The following MELK variants were observed in gnomAD, a reference collection of about 807,000 sequenced individuals.
MELK encodes the protein pEg3 kinase.
In MELK, 81 loss-of-function variants were observed where a neutral mutation model predicts 85.0. That is an observed-to-expected ratio of 0.95 (90% CI 0.80 to 1.15). The LOEUF is 1.15. Among genes scored for constraint, MELK ranks in the 50% most tolerant of loss-of-function variants. The probability of loss-of-function intolerance (pLI) is 0.00; values close to 1 mark genes in which losing one functional copy is unlikely to be tolerated. For missense variants in MELK, 754 were observed against 777.5 expected, an observed-to-expected ratio of 0.97 and a Z score of 0.36; for synonymous variants, 252 against 265.0, an observed-to-expected ratio of 0.95 and a Z score of 0.48.
At chr9:36,622,411 A>G (rs1827534322) in intron 8 of MELK, among the ~76,000 whole-genome samples, 1 of 152,194 alleles carries the variant, frequency 6.6e-6, no homozygotes, top group East Asian at 1.9e-4. Context: ...AAACCCAGCA[A>G]TATTTGACGC....
chr9:36,592,540 T>C (rs1473158049), intron 4 of MELK, among the ~76,000 whole-genome samples: 2 of 152,134 alleles, frequency 1.3e-5, no homozygotes, highest in African/African-American at 4.8e-5. Flanking sequence ...GATACCTACA[T>C]ATATTTTATA....
chr9:36,643,355 C>T (rs1357093314), intron 11 of MELK, among the ~76,000 whole-genome samples: 1 of 152,002 alleles, frequency 6.6e-6, no homozygotes, highest in Non-Finnish European at 1.5e-5. Context: ...TGCACTCCAG[C>T]CTGGGCAACA....
At chr9:36,610,306 T>G (rs1825957606) in intron 8 of MELK, among the ~76,000 whole-genome samples, 1 of 152,228 alleles carries the variant, frequency 6.6e-6, no homozygotes, top group Non-Finnish European at 1.5e-5. Context: ...CAACTTTTAT[T>G]TGACTTATAG....
chr9:36,660,667 T>C (rs1365511644), intron 13 of MELK, among the ~76,000 whole-genome samples: 1 of 151,318 alleles, frequency 6.6e-6, no homozygotes, highest in African/African-American at 2.4e-5. Context: ...AGGCTGTTCA[T>C]ACTGGGCAGG....
At chr9:36,608,277 CAAAAAAAAAAAAAA>C (rs1161984583) in intron 8 of MELK, among the ~76,000 whole-genome samples, 5 of 38,916 alleles carry the variant, frequency 1.3e-4, no homozygotes, top group Non-Finnish European at 1.7e-4. Flanking sequence ...GACTCTGTCT[CAAAAAAAAAAAAAA>C]AAAAAAAAAA....
intron 13 of MELK, among the ~76,000 whole-genome samples, chr9:36,663,247 A>G (rs1832029919): frequency 6.6e-6 from 1 of 151,656 alleles, no homozygotes; most frequent in Admixed American, 6.6e-5. Context: ...TGCCCAGCTA[A>G]TTTTTGTATT....
chr9:36,648,738 T>C (rs1830438467), intron 11 of MELK, among the ~76,000 whole-genome samples: 2 of 152,184 alleles, frequency 1.3e-5, no homozygotes, highest in African/African-American at 4.8e-5. Flanking sequence ...ATATTAGTGG[T>C]TGGGAGTTCA....
At chr9:36,590,433 C>G (rs1224808539) in intron 4 of MELK, among the ~76,000 whole-genome samples, 1 of 152,066 alleles carries the variant, frequency 6.6e-6, no homozygotes, top group Non-Finnish European at 1.5e-5. Context: ...TGCTGGCAGT[C>G]CTTGGCACTC....
intron 10 of MELK, among the ~76,000 whole-genome samples, chr9:36,637,648 C>T (rs1829344165): frequency 1.3e-5 from 2 of 152,158 alleles, no homozygotes; most frequent in South Asian, 4.1e-4. Flanking sequence ...CTCAGATATG[C>T]CACAGCATAG....
intron 2 of MELK, 55 bp from the exon 3 acceptor site, chr9:36,583,572 A>C: frequency 8.7e-7 from 1 of 1,143,148 alleles, no homozygotes; most frequent in Non-Finnish European, 1.2e-6. Context: ...ATATATAAAA[A>C]GGTGTTTGTG....
chr9:36,597,341 C>A, intron 6 of MELK, 51 bp downstream of exon 6: 1 of 1,489,016 alleles, frequency 6.7e-7, no homozygotes, highest in East Asian at 2.3e-5. Context: ...GCATTTATTT[C>A]TTAGTGTGTG....
intron 14 of MELK, among the ~76,000 whole-genome samples, chr9:36,669,022 T>A (rs1258350264): frequency 6.6e-6 from 1 of 152,236 alleles, no homozygotes; most frequent in Non-Finnish European, 1.5e-5. Flanking sequence ...TTATATGATC[T>A]GTTTAGATTT....
chr9:36,632,665 C>T (rs1047454354), intron 9 of MELK, among the ~76,000 whole-genome samples: 2 of 152,150 alleles, frequency 1.3e-5, no homozygotes, highest in Non-Finnish European at 2.9e-5. Context: ...TTGAAAATTA[C>T]AAATGGAAAG....
Position 36,606,519 on chromosome 9 carries a change from T to C in MELK, c.568-1056T>C, listed in dbSNP as rs553908490. 2.2e-5 allele frequency among the ~76,000 whole-genome samples: 3 copies of C among 134,114 alleles called. No homozygotes were observed. In the East Asian group the frequency reaches 6.3e-4, roughly 28 times the overall value. The allele number at this position is 134,114 out of a possible 152,430, so 88.0% of individuals were successfully genotyped here. A position where few individuals can be genotyped will look rare whatever the true frequency, so the allele number is the denominator to read the frequency against. On this transcript the variant is annotated intron_variant, in intron 7 of 17. Coordinates refer to ENST00000298048, the MANE Select transcript of MELK (RefSeq NM_014791.4). The stretch of plus-strand genomic sequence containing the variant: ...TATATAATAAATACATATGTATAGG[T>C]GTGTATATAATATATAATATATACA...
chr9:36,589,681 A>G (rs1823328994), intron 4 of MELK, 29 bp downstream of exon 4: 3 of 1,456,892 alleles, frequency 2.1e-6, no homozygotes, highest in Non-Finnish European at 2.9e-6. Flanking sequence ...ATACCTGAAA[A>G]CATTTGATCA....
intron 8 of MELK, among the ~76,000 whole-genome samples, chr9:36,609,418 T>C (rs1301623047): frequency 1.3e-5 from 2 of 151,608 alleles, no homozygotes; most frequent in Admixed American, 1.3e-4. Flanking sequence ...CAGAGCAGCA[T>C]CTCTGAATGC....
At chr9:36,671,958 A>G (rs1587637957) in intron 16 of MELK, among the ~76,000 whole-genome samples, 1 of 152,160 alleles carries the variant, frequency 6.6e-6, no homozygotes, top group East Asian at 1.9e-4. Flanking sequence ...GTGCTATAGT[A>G]AAAACACATT....
chr9:36,648,748 A>G (rs1433002560), intron 11 of MELK, among the ~76,000 whole-genome samples: 1 of 152,222 alleles, frequency 6.6e-6, no homozygotes, highest in Non-Finnish European at 1.5e-5. Context: ...TTGGGAGTTC[A>G]AGTTCCTGTC....
chr9:36,630,222 C>A, intron 8 of MELK, 77 bp from the exon 9 acceptor site: 1 of 1,049,566 alleles, frequency 9.5e-7, no homozygotes. Flanking sequence ...AAAAGTAAAC[C>A]TCCAGCATGT....
Sources: allele counts gnomAD v4.1 joint callset (sites outside exome capture counted in the v4.1 genomes callset), GRCh38; gene constraint gnomAD v4.1.1; transcripts MANE v1.5; gene names NCBI Gene and HGNC (gene_info 2026-07-23, HGNC 2026-07-21).